The following WDPCP variants were observed in gnomAD, a reference collection of about 807,000 sequenced individuals.
WDPCP encodes the protein WD repeat-containing and planar cell polarity effector protein fritz homolog.
In WDPCP, 71 loss-of-function variants were observed where a neutral mutation model predicts 93.1. That is an observed-to-expected ratio of 0.76 (90% CI 0.63 to 0.93). The LOEUF (loss-of-function observed/expected upper bound fraction) is 0.93, where lower values mean the gene tolerates loss of function less well. Ranked by LOEUF, WDPCP falls within the 40% of genes least tolerant of loss-of-function variation. The probability of loss-of-function intolerance (pLI) is 0.00; values close to 1 mark genes in which losing one functional copy is unlikely to be tolerated. For missense variants in WDPCP, 844 were observed against 887.4 expected (o/e 0.95, Z 0.62); for synonymous variants, 315 against 315.0 (o/e 1.00, Z 0.00).
At chr2:63,612,379 T>C (rs995537723) in intron 3 of WDPCP, among the ~76,000 whole-genome samples, 16 of 152,292 alleles carry the variant, frequency 1.1e-4, no homozygotes, top group Non-Finnish European at 1.9e-4. Context: ...CACCCCAAAA[T>C]ATGCCACTTT....
At chr2:63,533,970 CTA>C (rs1558769056) in intron 1 of WDPCP, among the ~76,000 whole-genome samples, 1 of 151,478 alleles carries the variant, frequency 6.6e-6, no homozygotes, top group Non-Finnish European at 1.5e-5. Context: ...GCTAGCAAGA[CTA>C]AAAAAGAAGA....
intron 6 of WDPCP, among the ~76,000 whole-genome samples, chr2:63,448,716 T>C (rs987225652): frequency 1.3e-5 from 2 of 152,158 alleles, no homozygotes; most frequent in Non-Finnish European, 2.9e-5. Flanking sequence ...TGTGAGAACA[T>C]GGATGAACCT....
chr2:63,829,999 A>G (rs749687106), upstream of WDPCP, among the ~76,000 whole-genome samples: 4 of 152,108 alleles, frequency 2.6e-5, no homozygotes, highest in Non-Finnish European at 5.9e-5. Flanking sequence ...TACTCATAAT[A>G]ATGACACATT....
chr2:63,810,816 A>G (rs1412786413), intron 2 of WDPCP, among the ~76,000 whole-genome samples: 2 of 152,208 alleles, frequency 1.3e-5, no homozygotes, highest in South Asian at 2.1e-4. Flanking sequence ...TTTAATCCCT[A>G]TTGCTTTATA....
chr2:63,617,913 G>A (rs1415757986), intron 3 of WDPCP, among the ~76,000 whole-genome samples: 2 of 152,226 alleles, frequency 1.3e-5, no homozygotes, highest in East Asian at 3.9e-4. Flanking sequence ...TTTCAACCCA[G>A]ATCAGGTAAA....
intron 14 of WDPCP, among the ~76,000 whole-genome samples, chr2:63,254,588 T>A (rs1019339731): frequency 3.3e-5 from 5 of 152,106 alleles, no homozygotes; most frequent in Admixed American, 1.3e-4. Context: ...AAGTCCCATG[T>A]CTCTTTTATC....
chr2:63,587,282 A>T (rs997449187), intron 1 of WDPCP, among the ~76,000 whole-genome samples: 2 of 152,180 alleles, frequency 1.3e-5, no homozygotes, highest in Non-Finnish European at 2.9e-5. Flanking sequence ...AGGCACCCCA[A>T]TGTTAAGAGA....
chr2:63,591,409 A>G (rs1398725301), upstream of WDPCP, among the ~76,000 whole-genome samples: 2 of 152,230 alleles, frequency 1.3e-5, no homozygotes, highest in African/African-American at 4.8e-5. Flanking sequence ...TAATTTCCCC[A>G]AAGACACAGA....
intron 12 of WDPCP, among the ~76,000 whole-genome samples, chr2:63,343,372 T>C (rs1459889160): frequency 6.6e-6 from 1 of 152,104 alleles, no homozygotes; most frequent in Non-Finnish European, 1.5e-5. Flanking sequence ...AAAGTATCTG[T>C]TAACATACTG....
chr2:63,835,583 T>C, the WDPCP span, among the ~76,000 whole-genome samples: 4 of 151,486 alleles, frequency 2.6e-5, no homozygotes, highest in Non-Finnish European at 5.9e-5. Flanking sequence ...GTCAGATAGC[T>C]TCAGTTCAGA....
At chr2:63,783,375 G>A (rs746064432) in intron 2 of WDPCP, among the ~76,000 whole-genome samples, 8 of 151,958 alleles carry the variant, frequency 5.3e-5, no homozygotes, top group Non-Finnish European at 1.0e-4. Context: ...AGACATGTTC[G>A]CACCACTGCA....
At chr2:63,522,451 G>GAAAGACACACACACAC (rs1553420212) in intron 1 of WDPCP, among the ~76,000 whole-genome samples, 3 of 92,070 alleles carry the variant, frequency 3.3e-5, no homozygotes, top group African/African-American at 1.4e-4. Flanking sequence ...CAGACAGACA[G>GAAAGACACACACACAC]ACAGACACAC....
intron 2 of WDPCP, among the ~76,000 whole-genome samples, chr2:63,683,454 C>A (rs115749577): frequency 1.9e-3 from 292 of 152,108 alleles, no homozygotes; most frequent in Non-Finnish European, 3.3e-3. Context: ...CTATATCAGA[C>A]AAAATGTCAT....
chr2:63,256,323 G>C (rs1681140608), intron 14 of WDPCP, among the ~76,000 whole-genome samples: 1 of 152,130 alleles, frequency 6.6e-6, no homozygotes, highest in Non-Finnish European at 1.5e-5. Context: ...ATTTGTGCAA[G>C]TATAGACAAA....
chr2:63,730,504 C>T (rs1669546194), intron 2 of WDPCP, among the ~76,000 whole-genome samples: 1 of 152,128 alleles, frequency 6.6e-6, no homozygotes, highest in Non-Finnish European at 1.5e-5. Context: ...CGCTCTGTTG[C>T]CCAGGCTGGA....
At chr2:63,804,758 G>A (rs866163426) in intron 2 of WDPCP, among the ~76,000 whole-genome samples, 10 of 151,740 alleles carry the variant, frequency 6.6e-5, no homozygotes, top group Admixed American at 3.3e-4. Flanking sequence ...GGCCGGGCAC[G>A]GTGGCTCACG....
chr2:63,231,326 C>G lies in WDPCP; in HGVS notation c.1915+27981G>C, dbSNP rs1678858419. 3.9e-5 allele frequency among the ~76,000 whole-genome samples: 6 copies of G among 152,052 alleles called. No homozygotes were observed. In the South Asian group the frequency reaches 1.2e-3, roughly 32 times the overall value. The stretch of plus-strand genomic sequence containing the variant: ...TTCAACATAGTTTTGGAAGTTCTGG[C>G]CAGGGCAATCAGGCAAGAGAAGGAA... On this transcript the variant is annotated intron_variant, in intron 14 of 17. Transcript: ENST00000272321.
chr2:63,538,530 G>A (rs1704482243), intron 1 of WDPCP, among the ~76,000 whole-genome samples: 1 of 152,136 alleles, frequency 6.6e-6, no homozygotes, highest in Non-Finnish European at 1.5e-5. Context: ...ATACAAGCAA[G>A]TTTGCCCAGC....
At chr2:63,158,973 C>CAAAAAAAAAA (rs34001322) in intron 15 of WDPCP, among the ~76,000 whole-genome samples, 3 of 61,138 alleles carry the variant, frequency 4.9e-5, no homozygotes, top group African/African-American at 2.6e-4. Context: ...CTCATCTCTA[C>CAAAAAAAAAA]AAAAAAAAAA....
Sources: allele counts gnomAD v4.1 joint callset (sites outside exome capture counted in the v4.1 genomes callset), GRCh38; gene constraint gnomAD v4.1.1; transcripts MANE v1.5; gene names NCBI Gene and HGNC (gene_info 2026-07-23, HGNC 2026-07-21).